The following ATF1 variants were observed in gnomAD, a reference collection of about 807,000 sequenced individuals.
ATF1 encodes activating transcription factor 1, also known as cyclic AMP-dependent transcription factor ATF-1.
In ATF1, 16 loss-of-function variants were observed where a neutral mutation model predicts 34.7. That is an observed-to-expected ratio of 0.46 (90% CI 0.31 to 0.70). The LOEUF (loss-of-function observed/expected upper bound fraction) is 0.70, where lower values mean the gene tolerates loss of function less well. Ranked by LOEUF, ATF1 falls within the 30% of genes least tolerant of loss-of-function variation. ATF1 has a pLI of 0.05. For missense variants in ATF1, 255 were observed against 321.6 expected (o/e 0.79, Z 1.58); for synonymous variants, 105 against 113.1 (o/e 0.93, Z 0.46).
At chr12:50,780,002 C>A (rs2139649302) in intron 1 of ATF1, 138 bp from the exon 2 acceptor site, 1 of 500,836 alleles carries the variant, frequency 2.0e-6, no homozygotes, top group Non-Finnish European at 3.4e-6. Flanking sequence ...ATGCACAGTC[C>A]CCTTTCTATC....
In ATF1 at chr12:50,814,383, G is replaced by C; in HGVS notation, c.615G>C (p.Gln205His). Residue 205 changes from glutamine (Q) to histidine (H), a missense_variant, in exon 6 of 7, where the codon CAG becomes CAC. By Grantham distance (24) the Gln-to-His change is conservative. This residue lies in a region of ATF1 where 221 missense variants were observed against 250.7 expected (regional missense o/e 0.88). Transcript: ENST00000262053. ...VMTSPVTLTS[Q>H]TTKTDDPQLK... is the part of the protein sequence containing the mutation. ...CATCTCCTGTGACTCTCACCTCTCA[G>C]ACAACTAAGACAGATGACCCCCAAT... is the stretch of plus-strand genomic sequence containing the variant. The C allele has an allele frequency of 6.2e-7, 1 of 1,614,124 alleles. No homozygotes were observed.
At chr12:50,780,042 T>C (rs1444718006) in intron 1 of ATF1, 98 bp from the exon 2 acceptor site, 4 of 820,776 alleles carry the variant, frequency 4.9e-6, no homozygotes, top group South Asian at 2.4e-5. Flanking sequence ...TTCTTTTCCA[T>C]TGAGGCAACT....
chr12:50,792,879 C>T (rs774659238), intron 2 of ATF1, among the ~76,000 whole-genome samples: 15 of 151,934 alleles, frequency 9.9e-5, no homozygotes, highest in Non-Finnish European at 1.6e-4. Flanking sequence ...AAAGAGTTCT[C>T]TTGTAGTAGA....
chr12:50,780,093 C>A, intron 1 of ATF1, 47 bp from the exon 2 acceptor site: 1 of 1,399,082 alleles, frequency 7.1e-7, no homozygotes, highest in Non-Finnish European at 1.0e-6. Context: ...ATACTGTAAA[C>A]ATTCTGTATC....
chr12:50,806,657 T>G (rs1458616338), intron 3 of ATF1, among the ~76,000 whole-genome samples: 3 of 151,980 alleles, frequency 2.0e-5, no homozygotes, highest in Non-Finnish European at 4.4e-5. Flanking sequence ...ATAGACTGGC[T>G]GTAGGACCAT....
chr12:50,782,687 C>CTTTTTTTTT (rs71086480), intron 2 of ATF1, among the ~76,000 whole-genome samples: 1 of 102,506 alleles, frequency 9.8e-6, no homozygotes, highest in African/African-American at 3.4e-5. Context: ...TGTGGCCAGC[C>CTTTTTTTTT]TTTTTTTTTT....
chr12:50,816,886 C>T (rs541464152), intron 6 of ATF1, among the ~76,000 whole-genome samples: 3 of 152,098 alleles, frequency 2.0e-5, no homozygotes, highest in Admixed American at 2.0e-4. Context: ...AAAAAAAACA[C>T]ACAAGTAGTT....
chr12:50,781,808 A>G (rs1033842750), intron 2 of ATF1, among the ~76,000 whole-genome samples: 5 of 151,712 alleles, frequency 3.3e-5, no homozygotes, highest in African/African-American at 9.7e-5. Flanking sequence ...AGTAACAGCT[A>G]CTTGGCTGAA....
intron 6 of ATF1, among the ~76,000 whole-genome samples, chr12:50,818,509 G>C (rs898412145): frequency 3.9e-5 from 6 of 152,128 alleles, no homozygotes; most frequent in African/African-American, 1.4e-4. Flanking sequence ...TTTTGTGAGG[G>C]GAAAGATTTT....
intron 1 of ATF1, among the ~76,000 whole-genome samples, chr12:50,778,817 G>C (rs915596309): frequency 2.6e-5 from 4 of 152,118 alleles, no homozygotes; most frequent in African/African-American, 7.2e-5. Context: ...TTCAGCTCAG[G>C]CAGTCCGCCC....
intron 3 of ATF1, among the ~76,000 whole-genome samples, chr12:50,803,831 AAAG>A (rs1230140579): frequency 1.3e-5 from 2 of 152,224 alleles, no homozygotes; most frequent in African/African-American, 4.8e-5. Flanking sequence ...TATTAAACTA[AAAG>A]AAGTCATTTG....
intron 6 of ATF1, among the ~76,000 whole-genome samples, chr12:50,814,654 G>A (rs1941805672): frequency 6.6e-6 from 1 of 152,142 alleles, no homozygotes; most frequent in South Asian, 2.1e-4. Context: ...ACTCACGTTT[G>A]TGGCAATGCT....
At chr12:50,816,619 G>A (rs1221688515) in intron 6 of ATF1, among the ~76,000 whole-genome samples, 1 of 151,960 alleles carries the variant, frequency 6.6e-6, no homozygotes, top group Non-Finnish European at 1.5e-5. Flanking sequence ...CAGGCCAGGC[G>A]TGGTGGCTCA....
intron 1 of ATF1, among the ~76,000 whole-genome samples, chr12:50,769,491 G>C (rs926424029): frequency 1.1e-4 from 17 of 151,220 alleles, no homozygotes; most frequent in African/African-American, 4.1e-4. Context: ...CTGGGTGACA[G>C]AGCGAGACTC....
At chr12:50,815,179 T>A (rs1941818126) in intron 6 of ATF1, among the ~76,000 whole-genome samples, 1 of 152,078 alleles carries the variant, frequency 6.6e-6, no homozygotes, top group Non-Finnish European at 1.5e-5. Context: ...ACAGGAGGTA[T>A]TCCAGAAGAA....
rs1941794743 is a variant in ATF1 at position 50,814,188 on chromosome 12, A to C, written c.507A>C (p.Val169=). 1 of 1,613,964 alleles carries C rather than the reference A, an allele frequency of 6.2e-7. No individual in the cohort carries two copies. The highest frequency in any genetic ancestry group is 2.2e-5 in the East Asian group (1 of 44,884). ...TTGTGCCCAGCAATCAGGTGGTCGT[A>C]CAAAGTAAGTATGCTTTCTGTCTAC... ...QILVPSNQVV[V]QTASGDMQTY... Residue 169 remains valine (V), a synonymous_variant, in exon 5 of 7, where the codon GTA becomes GTC. Coordinates refer to ENST00000262053, the MANE Select transcript of ATF1 (RefSeq NM_005171.5).
chr12:50,796,886 T>C (rs1292986780), intron 3 of ATF1, among the ~76,000 whole-genome samples: 2 of 151,892 alleles, frequency 1.3e-5, no homozygotes, highest in Non-Finnish European at 2.9e-5. Flanking sequence ...AAGCTTAGGC[T>C]ACAAAAAAAT....
intron 1 of ATF1, among the ~76,000 whole-genome samples, chr12:50,775,135 T>C (rs1940885222): frequency 6.6e-6 from 1 of 151,922 alleles, no homozygotes; most frequent in Non-Finnish European, 1.5e-5. Context: ...GATAATGGGC[T>C]GTCTCTGTGT....
intron 3 of ATF1, among the ~76,000 whole-genome samples, chr12:50,799,606 G>A (rs1315320056): frequency 6.6e-6 from 1 of 152,068 alleles, no homozygotes; most frequent in Non-Finnish European, 1.5e-5. Context: ...TTATTAAACT[G>A]TTCCAACAAG....
Sources: allele counts gnomAD v4.1 joint callset (sites outside exome capture counted in the v4.1 genomes callset), GRCh38; gene constraint gnomAD v4.1.1; regional missense constraint gnomAD v4.1.1; transcripts MANE v1.5; gene names NCBI Gene and HGNC (gene_info 2026-07-23, HGNC 2026-07-21).